IL1RAPL2: variants seen among roughly 807,000 people sequenced by gnomAD.
The protein encoded by IL1RAPL2 is interleukin 1 receptor accessory protein like 2, also known as X-linked interleukin-1 receptor accessory protein-like 2.
IL1RAPL2 carries 3 observed loss-of-function variants against 44.1 expected under a neutral mutation model. The ratio of observed to expected loss-of-function variants is 0.07; its 90% CI spans 0.03 to 0.18. IL1RAPL2 has a LOEUF of 0.18. Among genes scored for constraint, IL1RAPL2 ranks in the 10% least tolerant of loss-of-function variants. The pLI is 1.00. For synonymous variants in IL1RAPL2, 181 were observed against 178.8 expected (o/e 1.01, Z -0.10); for missense variants, 391 against 496.4 (o/e 0.79, Z 2.02).
At chrX:105,320,000 ATG>A (rs746876174) in intron 5 of IL1RAPL2, among the ~76,000 whole-genome samples, 4 of 109,528 alleles carry the variant, frequency 3.7e-5, no homozygotes, top group Admixed American at 9.8e-5. Flanking sequence ...GTGTGTGTAT[ATG>A]TGTGTGTGTG....
chrX:105,570,479 GATTGA>G (rs1447503982), intron 6 of IL1RAPL2, among the ~76,000 whole-genome samples: 1 of 111,955 alleles, frequency 8.9e-6, no homozygotes, highest in Non-Finnish European at 1.9e-5. Flanking sequence ...GGGACTTCTG[GATTGA>G]ATGGTAGTTC....
chrX:104,998,013 G>A (rs979502092), intron 2 of IL1RAPL2, among the ~76,000 whole-genome samples: 14 of 111,229 alleles, frequency 1.3e-4, no homozygotes, highest in Admixed American at 9.6e-4. Context: ...TGTGGGAAAA[G>A]ACCATCACCC....
In IL1RAPL2 at chrX:105,447,106, T is replaced by TG. The variant is rs2035963693; in HGVS notation, c.698-37207_698-37206insG. 1.5e-3 allele frequency among the ~76,000 whole-genome samples: 51 copies of TG among 33,209 alleles called. 2 individuals carry two copies. Among genetic ancestry groups the TG allele is most frequent in the African/African-American group, 7.9e-3 (48 of 6,091 alleles). The allele number at this position is 33,209 out of a possible 115,157, so 28.8% of individuals were successfully genotyped here. ...ATATATATATATATATATATATATA[T>TG]AAAAATATATATAAATATAAATATA... On this transcript the variant is annotated intron_variant, in intron 5 of 10. Transcript: ENST00000372582.
At chrX:104,933,315 T>TC (rs966685644) in intron 2 of IL1RAPL2, among the ~76,000 whole-genome samples, 30 of 110,967 alleles carry the variant, frequency 2.7e-4, no homozygotes, top group African/African-American at 9.8e-4. Flanking sequence ...ATCTCATCTT[T>TC]CCCCCCATGC....
chrX:105,439,326 A>G (rs2035902742), intron 5 of IL1RAPL2, among the ~76,000 whole-genome samples: 1 of 110,875 alleles, frequency 9.0e-6, no homozygotes, highest in South Asian at 3.8e-4. Flanking sequence ...TTTTTGCTGC[A>G]TGTGCTTTAC....
chrX:105,665,966 C>G (rs2037763424), intron 6 of IL1RAPL2, among the ~76,000 whole-genome samples: 4 of 108,550 alleles, frequency 3.7e-5, no homozygotes. Flanking sequence ...GTTTCACCGT[C>G]TTAACCAGGA....
At chrX:104,800,826 C>T (rs1386207847) in intron 2 of IL1RAPL2, among the ~76,000 whole-genome samples, 1 of 112,454 alleles carries the variant, frequency 8.9e-6, no homozygotes, top group African/African-American at 3.2e-5. Context: ...AGAGGACATT[C>T]TAGAGCATGG....
At chrX:104,817,951 T>C (rs984129771) in intron 2 of IL1RAPL2, among the ~76,000 whole-genome samples, 11 of 110,942 alleles carry the variant, frequency 9.9e-5, no homozygotes, top group Non-Finnish European at 1.9e-4. Context: ...GTGCCATTCA[T>C]TGAGATGGGG....
chrX:105,218,741 C>G (rs201499001), intron 3 of IL1RAPL2, among the ~76,000 whole-genome samples: 8 of 106,253 alleles, frequency 7.5e-5, no homozygotes, highest in Non-Finnish European at 1.4e-4. Flanking sequence ...GCCACCACCC[C>G]ACTTCTACAC....
At chrX:104,741,495 T>C (rs1393576268) in intron 2 of IL1RAPL2, among the ~76,000 whole-genome samples, 1 of 111,014 alleles carries the variant, frequency 9.0e-6, no homozygotes, top group African/African-American at 3.3e-5. Flanking sequence ...ACTATGTCTT[T>C]TGGTTAACAA....
rs191450614 is a variant in IL1RAPL2, at chrX:105,356,003, C to A, written c.697+88462C>A. ...AGGTGCCCCCCACCACCGTAAAATA[C>A]CTGCTTTAAATTGGGAAATACTCTA... On this transcript the variant is annotated intron_variant, in intron 5 of 10. Transcript: ENST00000372582. Among the ~76,000 whole-genome samples, 591 of 111,141 alleles carry A rather than the reference C, an allele frequency of 5.3e-3. 5 individuals carry two copies. Among genetic ancestry groups the A allele is most frequent in the African/African-American group, 0.018 (549 of 30,599 alleles).
intron 6 of IL1RAPL2, among the ~76,000 whole-genome samples, chrX:105,687,547 A>G (rs904593133): frequency 9.8e-5 from 11 of 111,897 alleles, no homozygotes; most frequent in African/African-American, 3.2e-4. Context: ...GCATCTCTGA[A>G]TAGACCAATA....
At chrX:105,332,274 G>A (rs146459656) in intron 5 of IL1RAPL2, among the ~76,000 whole-genome samples, 1 of 109,835 alleles carries the variant, frequency 9.1e-6, no homozygotes, top group Non-Finnish European at 1.9e-5. Flanking sequence ...TTTGTTGCTG[G>A]TCCCCAACAG....
intron 5 of IL1RAPL2, among the ~76,000 whole-genome samples, chrX:105,298,232 A>C (rs1360065933): frequency 1.8e-5 from 2 of 111,960 alleles, no homozygotes; most frequent in Admixed American, 1.9e-4. Flanking sequence ...TCTGGAACTT[A>C]GTTCTCTTAT....
chrX:105,050,357 T>C (rs1323526899), intron 2 of IL1RAPL2, among the ~76,000 whole-genome samples: 3 of 112,329 alleles, frequency 2.7e-5, no homozygotes, highest in Non-Finnish European at 5.6e-5. Context: ...CATTTTTTTA[T>C]GGCATTCGCA....
intron 4 of IL1RAPL2, among the ~76,000 whole-genome samples, chrX:105,236,919 A>G (rs945485899): frequency 2.7e-5 from 3 of 110,925 alleles, no homozygotes; most frequent in Non-Finnish European, 5.7e-5. Context: ...ATATGTATAC[A>G]TGTGCCATGT....
chrX:104,757,410 ATTG>A (rs756914489), intron 2 of IL1RAPL2, among the ~76,000 whole-genome samples: 1 of 111,364 alleles, frequency 9.0e-6, no homozygotes, highest in Non-Finnish European at 1.9e-5. Context: ...GTCTAAGAGA[ATTG>A]TTGTATAGGC....
chrX:104,859,863 T>C (rs1443672312), intron 2 of IL1RAPL2, among the ~76,000 whole-genome samples: 1 of 111,934 alleles, frequency 8.9e-6, no homozygotes, highest in African/African-American at 3.2e-5. Flanking sequence ...GCAGTTTCAG[T>C]GAAGTGGACA....
intron 2 of IL1RAPL2, among the ~76,000 whole-genome samples, chrX:104,748,961 C>G (rs976247083): frequency 2.7e-5 from 3 of 110,748 alleles, no homozygotes; most frequent in African/African-American, 9.8e-5. Context: ...ATATAGGGCC[C>G]TTCAATTTTA....
Sources: allele counts gnomAD v4.1 joint callset (sites outside exome capture counted in the v4.1 genomes callset), GRCh38; gene constraint gnomAD v4.1.1; transcripts MANE v1.5; gene names NCBI Gene and HGNC (gene_info 2026-07-23, HGNC 2026-07-21).